FHOD3: variants seen among roughly 807,000 people sequenced by gnomAD.
The protein encoded by FHOD3 is FH1/FH2 domain-containing protein 3.
FHOD3 carries 90 observed loss-of-function variants against 173.0 expected under a neutral mutation model. The ratio of observed to expected loss-of-function variants is 0.52; its 90% CI spans 0.44 to 0.62. The LOEUF (loss-of-function observed/expected upper bound fraction) is 0.62, where lower values mean the gene tolerates loss of function less well. FHOD3 is among the 20% of genes least tolerant of loss of function. FHOD3 has a pLI of 0.00. For missense variants in FHOD3, 1,945 were observed against 2,034.7 expected (o/e 0.96, Z 0.85); for synonymous variants, 828 against 823.0 (o/e 1.01, Z -0.10).
chr18:36,462,820 T>A (rs926174394), intron 3 of FHOD3, among the ~76,000 whole-genome samples: 6 of 152,214 alleles, frequency 3.9e-5, no homozygotes, highest in African/African-American at 1.4e-4. Context: ...AGAGATGGGA[T>A]CTACCTATAT....
At chr18:36,615,080 C>T (rs113323886) in intron 9 of FHOD3, among the ~76,000 whole-genome samples, 26 of 151,976 alleles carry the variant, frequency 1.7e-4, no homozygotes, top group African/African-American at 5.8e-4. Context: ...AAACTCCCGA[C>T]CTCAGGTGAT....
intron 27 of FHOD3, among the ~76,000 whole-genome samples, chr18:36,763,583 TA>T (rs1360324824): frequency 6.8e-6 from 1 of 147,852 alleles, no homozygotes; most frequent in African/African-American, 2.5e-5. Context: ...TTATATATAA[TA>T]TGTGTATTAT....
At chr18:36,589,092 C>G (rs2059129605) in intron 6 of FHOD3, among the ~76,000 whole-genome samples, 1 of 152,172 alleles carries the variant, frequency 6.6e-6, no homozygotes, top group Non-Finnish European at 1.5e-5. Flanking sequence ...AAAATGATAG[C>G]TGCAATAGAA....
At chr18:36,595,189 C>T (rs1207562793) in intron 7 of FHOD3, among the ~76,000 whole-genome samples, 2 of 152,150 alleles carry the variant, frequency 1.3e-5, no homozygotes, top group Admixed American at 6.5e-5. Flanking sequence ...CTAGCTCCTC[C>T]TCCTGTTCTT....
intron 3 of FHOD3, among the ~76,000 whole-genome samples, chr18:36,448,461 C>T (rs1422845248): frequency 6.6e-6 from 1 of 152,200 alleles, no homozygotes. Flanking sequence ...CTGCCCTGCT[C>T]TTCTCTCTGT....
At position 36,595,008 on chromosome 18, in the gene FHOD3, A is replaced by G. The variant is rs553578678; in HGVS notation, c.718+110A>G. 3.6e-4 allele frequency: 244 copies of G among 678,706 alleles called. 3 individuals are homozygous for G. The African/African-American group carries it at 4.2e-3, about 12-fold the overall frequency. The allele number at this position is 678,706 out of a possible 1,614,324, so 42.0% of individuals were successfully genotyped here. A position where few individuals can be genotyped will look rare whatever the true frequency, so the allele number is the denominator to read the frequency against. ...TATAAGAATTAATAGAATTCCCGAGATGTGGACTTCCCACTGCAAGAAACG... is the reference window on the plus strand; with the variant it reads ...TATAAGAATTAATAGAATTCCCGAGGTGTGGACTTCCCACTGCAAGAAACG... On this transcript the variant is annotated intron_variant, in intron 7 of 28. Transcript: ENST00000590592.
chr18:36,476,238 C>T (rs1205864982), intron 3 of FHOD3, among the ~76,000 whole-genome samples: 2 of 152,162 alleles, frequency 1.3e-5, no homozygotes, highest in African/African-American at 2.4e-5. Flanking sequence ...GCTCCTGTTC[C>T]GCTGGGTGCT....
chr18:36,720,141 G>A (rs925159879), intron 19 of FHOD3, among the ~76,000 whole-genome samples: 1 of 151,952 alleles, frequency 6.6e-6, no homozygotes, highest in Non-Finnish European at 1.5e-5. Flanking sequence ...ACCTAAGAAA[G>A]GGTTGCCAGA....
At chr18:36,299,161 T>C (rs1176407918) in intron 1 of FHOD3, among the ~76,000 whole-genome samples, 1 of 152,216 alleles carries the variant, frequency 6.6e-6, no homozygotes, top group African/African-American at 2.4e-5. Flanking sequence ...GTTTCCTCTC[T>C]ATTAATGTAT....
At chr18:36,600,398 G>A (rs1213285594) in intron 7 of FHOD3, among the ~76,000 whole-genome samples, 1 of 152,186 alleles carries the variant, frequency 6.6e-6, no homozygotes, top group East Asian at 1.9e-4. Context: ...AAGTGCTGGT[G>A]TTGAACACAG....
intron 6 of FHOD3, among the ~76,000 whole-genome samples, chr18:36,586,464 A>C (rs992529837): frequency 6.6e-6 from 1 of 151,480 alleles, no homozygotes; most frequent in Non-Finnish European, 1.5e-5. Context: ...ATTCCTTAGT[A>C]AACAATAAAA....
Position 36,736,658 on chromosome 18 carries a change from T to A in FHOD3, c.3577-3998T>A, listed in dbSNP as rs536032361. Among the ~76,000 whole-genome samples the A allele has an allele frequency of 3.9e-5, 6 of 152,306 alleles. No homozygotes were observed. The East Asian group carries it at 1.2e-3, about 29-fold the overall frequency. On this transcript the variant is annotated intron_variant, in intron 20 of 28. Transcript: ENST00000590592. The stretch of plus-strand genomic sequence containing the variant: ...TGACATCAAACGACAATCTCTGATG[T>A]CCTGCTGCTTCTCCTCTTCTCCCCT...
chr18:36,728,481 A>G (rs2041187267), intron 19 of FHOD3, among the ~76,000 whole-genome samples: 2 of 152,286 alleles, frequency 1.3e-5, no homozygotes, highest in African/African-American at 4.8e-5. Context: ...CATGTATGCC[A>G]CGTGTCCCTG....
At chr18:36,629,608 G>A (rs1272099309) in intron 10 of FHOD3, among the ~76,000 whole-genome samples, 1 of 152,194 alleles carries the variant, frequency 6.6e-6, no homozygotes, top group Non-Finnish European at 1.5e-5. Flanking sequence ...AGTATTCTTA[G>A]ATTTGGTGTT....
intron 3 of FHOD3, among the ~76,000 whole-genome samples, chr18:36,430,979 C>T (rs563490546): frequency 7.9e-5 from 12 of 151,904 alleles, no homozygotes; most frequent in Admixed American, 5.2e-4. Context: ...CAACTTCAAG[C>T]GATACAAAGC....
At chr18:36,653,845 A>G (rs1270158348) in intron 13 of FHOD3, among the ~76,000 whole-genome samples, 1 of 152,222 alleles carries the variant, frequency 6.6e-6, no homozygotes, top group African/African-American at 2.4e-5. Flanking sequence ...TTTTTGAGCC[A>G]CATCCTGTAT....
At chr18:36,452,074 C>T (rs1019604763) in intron 3 of FHOD3, among the ~76,000 whole-genome samples, 1 of 152,164 alleles carries the variant, frequency 6.6e-6, no homozygotes, top group African/African-American at 2.4e-5. Flanking sequence ...GATCTCCCGA[C>T]CCAGTGACCG....
chr18:36,682,574 T>TTTTTG lies in FHOD3; in HGVS notation c.1970+1024_1970+1028dup, dbSNP rs374176159. ...GAGGATTTACAGATTTAATAACGTG[T>TTTTTG]TTTTGTTTTGTTTTGTTTTGTTTTT... is the stretch of plus-strand genomic sequence containing the variant. On this transcript the variant is annotated intron_variant, in intron 15 of 28. Transcript: ENST00000590592. Among the ~76,000 whole-genome samples, 679 of 152,214 alleles carry TTTTTG rather than the reference T, an allele frequency of 4.5e-3. 7 individuals are homozygous for TTTTTG. The highest frequency in any genetic ancestry group is 0.015 in the African/African-American group (608 of 41,524).
intron 14 of FHOD3, among the ~76,000 whole-genome samples, chr18:36,676,098 A>G (rs536664577): frequency 1.7e-3 from 262 of 152,348 alleles, no homozygotes; most frequent in African/African-American, 5.8e-3. Context: ...ATAGAGCAAT[A>G]AAGAGTATCA....
Sources: allele counts gnomAD v4.1 joint callset (sites outside exome capture counted in the v4.1 genomes callset), GRCh38; gene constraint gnomAD v4.1.1; transcripts MANE v1.5; gene names NCBI Gene and HGNC (gene_info 2026-07-23, HGNC 2026-07-21).